The following CALD1 variants were observed in gnomAD, a reference collection of about 807,000 sequenced individuals.
The protein encoded by CALD1 is caldesmon.
CALD1 carries 33 observed loss-of-function variants against 99.9 expected under a neutral mutation model. The observed-to-expected ratio is 0.33, with a 90% CI of 0.25 to 0.44. CALD1 has a LOEUF of 0.44. Ranked by LOEUF, CALD1 falls within the 20% of genes least tolerant of loss-of-function variation. The probability of loss-of-function intolerance (pLI) is 1.00; values close to 1 mark genes in which losing one functional copy is unlikely to be tolerated. For synonymous variants in CALD1, 310 were observed against 325.0 expected, an observed-to-expected ratio of 0.95 and a Z score of 0.50; for missense variants, 861 against 962.1, an observed-to-expected ratio of 0.89 and a Z score of 1.39.
chr7:134,754,780 C>T (rs1796713473), intron 1 of CALD1, among the ~76,000 whole-genome samples: 1 of 151,980 alleles, frequency 6.6e-6, no homozygotes, highest in African/African-American at 2.4e-5. Context: ...AAGCTGTTTC[C>T]AATGTATACA....
intron 1 of CALD1, among the ~76,000 whole-genome samples, chr7:134,824,100 G>A (rs1232647439): frequency 6.6e-6 from 1 of 152,144 alleles, no homozygotes; most frequent in Non-Finnish European, 1.5e-5. Context: ...CTATTTCCTA[G>A]GCTAGGCAAC....
In CALD1 at chr7:134,849,779, G is replaced by A. The variant is rs994103338; in HGVS notation, c.-42+5808G>A. 5.3e-5 allele frequency among the ~76,000 whole-genome samples: 8 copies of A among 152,266 alleles called. No individual in the cohort carries two copies. The South Asian group carries it at 6.2e-4, about 12-fold the overall frequency. Reference sequence around the variant, plus strand: ...ATGAGAGACCAGAAGCCAATTTACCGTGAAGTCAGTAGAGTTTAAGCCGCA... The same window carrying A: ...ATGAGAGACCAGAAGCCAATTTACCATGAAGTCAGTAGAGTTTAAGCCGCA... On this transcript the variant is annotated intron_variant, in intron 2 of 14. Transcript: ENST00000361675.
intron 13 of CALD1, chr7:134,962,471 T>C: frequency 5.6e-6 from 1 of 178,550 alleles, no homozygotes; most frequent in Non-Finnish European, 1.2e-5. Context: ...CCCTAGAGGG[T>C]GAAGAAAAGG....
chr7:134,796,527 C>T (rs1332879504), intron 1 of CALD1, among the ~76,000 whole-genome samples: 6 of 152,078 alleles, frequency 3.9e-5, no homozygotes, highest in African/African-American at 1.4e-4. Flanking sequence ...CGAGAGCTGA[C>T]TCCCTCTGCT....
At chr7:134,798,843 T>G (rs1797843216) in intron 1 of CALD1, among the ~76,000 whole-genome samples, 1 of 152,226 alleles carries the variant, frequency 6.6e-6, no homozygotes. Context: ...TAGAGGCATC[T>G]CAGTCTTCTG....
At chr7:134,855,429 C>T (rs1404910919) in intron 2 of CALD1, among the ~76,000 whole-genome samples, 4 of 152,152 alleles carry the variant, frequency 2.6e-5, no homozygotes, top group East Asian at 3.8e-4. Context: ...AATGCTCATT[C>T]GTTTACAAGA....
At chr7:134,743,427 G>A (rs182955091), upstream of CALD1, among the ~76,000 whole-genome samples, 6 of 152,266 alleles carry the variant, frequency 3.9e-5, no homozygotes, top group East Asian at 1.2e-3. Context: ...ATACTTTGAA[G>A]TTTTTCAGCT....
chr7:134,864,043 C>T lies in CALD1; in HGVS notation c.-41-3650C>T, dbSNP rs529469206. 3.3e-5 allele frequency among the ~76,000 whole-genome samples: 5 copies of T among 152,196 alleles called. No homozygotes were observed. In the East Asian group the frequency reaches 5.8e-4, roughly 18 times the overall value. On this transcript the variant is annotated intron_variant, in intron 2 of 14. Coordinates refer to ENST00000361675, the MANE Select transcript of CALD1 (RefSeq NM_033138.4). ...ATGCCAATCCCCTGGGCCGCAGGCT[C>T]GTGGCTTTGTTCAAAAAGAAGGGCA...
At chr7:134,888,166 T>C (rs1210098615) in intron 3 of CALD1, among the ~76,000 whole-genome samples, 4 of 152,180 alleles carry the variant, frequency 2.6e-5, no homozygotes, top group Admixed American at 2.6e-4. Flanking sequence ...CAGAATCTCT[T>C]TGATGAAAAA....
chr7:134,942,391 TG>T (rs2133070943), intron 7 of CALD1, among the ~76,000 whole-genome samples: 1 of 152,114 alleles, frequency 6.6e-6, no homozygotes, highest in African/African-American at 2.4e-5. Context: ...ACAATTTTTT[TG>T]TACGTAAATT....
intron 7 of CALD1, chr7:134,944,608 C>T (rs1450559449): frequency 6.6e-6 from 1 of 152,040 alleles, no homozygotes; most frequent in Non-Finnish European, 1.5e-5. Flanking sequence ...CCTCTTGTTT[C>T]ACAGCTAGAA....
chr7:134,791,144 A>T (rs758718939), intron 1 of CALD1, among the ~76,000 whole-genome samples: 5 of 150,220 alleles, frequency 3.3e-5, no homozygotes, highest in Non-Finnish European at 7.4e-5. Context: ...CAAAGCTAAG[A>T]ATATTCACGG....
intron 3 of CALD1, among the ~76,000 whole-genome samples, chr7:134,878,315 T>C (rs578099023): frequency 6.6e-6 from 1 of 152,294 alleles, no homozygotes; most frequent in South Asian, 2.1e-4. Context: ...CTGCGTGTAA[T>C]GTCAGCACTT....
the CALD1 span, among the ~76,000 whole-genome samples, chr7:134,722,577 A>G: frequency 6.6e-6 from 1 of 151,952 alleles, no homozygotes; most frequent in African/African-American, 2.4e-5. Flanking sequence ...GCATGCCACC[A>G]CACCTGGCTA....
chr7:134,863,749 T>A (rs1180654918), intron 2 of CALD1, among the ~76,000 whole-genome samples: 1 of 152,180 alleles, frequency 6.6e-6, no homozygotes, highest in Non-Finnish European at 1.5e-5. Flanking sequence ...CATCAGCTAT[T>A]GAACTAAATT....
intron 1 of CALD1, among the ~76,000 whole-genome samples, chr7:134,824,068 A>C (rs985737806): frequency 2.6e-5 from 4 of 152,226 alleles, no homozygotes; most frequent in African/African-American, 9.6e-5. Context: ...TAAGCTTACT[A>C]ATGAGATTTT....
chr7:134,958,185 A>C lies in CALD1; in HGVS notation c.1980-24A>C, dbSNP rs767885738. On this transcript the variant is annotated intron_variant, in intron 10 of 14. Coordinates refer to ENST00000361675, the MANE Select transcript of CALD1 (RefSeq NM_033138.4). Reference sequence around the variant, plus strand: ...TGAGAAGATTCTCTCTCATATTTTTATATGTATGTGTTTACTTTTTTAGCA... The same window carrying C: ...TGAGAAGATTCTCTCTCATATTTTTCTATGTATGTGTTTACTTTTTTAGCA... 8 of 1,611,800 alleles carry C rather than the reference A, an allele frequency of 5.0e-6. No individual in the cohort carries two copies. In the South Asian group the frequency reaches 8.8e-5, roughly 18 times the overall value.
chr7:134,936,406 C>T (rs186095398), intron 6 of CALD1, among the ~76,000 whole-genome samples: 111 of 152,310 alleles, frequency 7.3e-4, no homozygotes, highest in African/African-American at 2.6e-3. Context: ...CAGAACACCA[C>T]ATCAGAACAC....
At chr7:134,769,581 T>A (rs1437207274) in intron 1 of CALD1, among the ~76,000 whole-genome samples, 1 of 151,194 alleles carries the variant, frequency 6.6e-6, no homozygotes, top group African/African-American at 2.5e-5. Context: ...TTTTCTCTTA[T>A]ACACACACTC....
Sources: allele counts gnomAD v4.1 joint callset (sites outside exome capture counted in the v4.1 genomes callset), GRCh38; gene constraint gnomAD v4.1.1; transcripts MANE v1.5; gene names NCBI Gene and HGNC (gene_info 2026-07-23, HGNC 2026-07-21).